Variants in PSG1 observed in about 807,000 individuals in gnomAD.
PSG1 encodes the protein pregnancy specific beta-1-glycoprotein 1.
A neutral mutation model predicts 41.4 loss-of-function variants in PSG1; 60 were observed. That is an observed-to-expected ratio of 1.45 (90% confidence interval 1.18 to 1.80). The LOEUF (loss-of-function observed/expected upper bound fraction) is 1.80. Among genes scored for constraint, PSG1 ranks in the 40% most tolerant of loss-of-function variants. PSG1 has a pLI of 0.00. For missense variants in PSG1, 806 were observed against 516.9 expected (o/e 1.56, Z -5.42); for synonymous variants, 256 against 192.9 (o/e 1.33, Z -2.71).
At chr19:42,878,897 G>T (rs1009256101) in intron 1 of PSG1, among the ~76,000 whole-genome samples, 5 of 151,462 alleles carry the variant, frequency 3.3e-5, no homozygotes, top group African/African-American at 9.7e-5. Context: ...TCCCCCAATT[G>T]TTGAGGTTTC....
At chr19:42,874,779 G>A (rs1449583170) in intron 2 of PSG1, among the ~76,000 whole-genome samples, 3 of 151,578 alleles carry the variant, frequency 2.0e-5, no homozygotes, top group African/African-American at 4.8e-5. Flanking sequence ...ACCGGAGAAT[G>A]TGAGCTCCAT....
chr19:42,871,718 G>A lies in PSG1; in HGVS notation c.709+49C>T, dbSNP rs28579274. The A allele has an allele frequency of 1.3e-4, 206 of 1,612,240 alleles. 8 individuals are homozygous for A. The South Asian group carries it at 1.5e-3, about 11-fold the overall frequency. Reference sequence around the variant, plus strand: ...ACAGAGAGGCCTGGCCTCTGGCCACGTGTATTTGGGATGGCAGCCTGGCTC... The same window carrying A: ...ACAGAGAGGCCTGGCCTCTGGCCACATGTATTTGGGATGGCAGCCTGGCTC... On this transcript the variant is annotated intron_variant, in intron 3 of 5. Coordinates refer to ENST00000436291, the MANE Select transcript of PSG1 (RefSeq NM_001184825.2).
intron 5 of PSG1, chr19:42,867,885 G>A: frequency 7.1e-7 from 1 of 1,403,374 alleles, no homozygotes; most frequent in Non-Finnish European, 9.6e-7. Context: ...TGTTCTTCCT[G>A]CTTGGTCTAG....
rs1323394087 is a variant in PSG1, at chr19:42,878,783, CAG to C, written c.65-507_65-506del. ...CATGACAGCGTGAGCTCCGTGAAGACAGGGACTTTTGTGATCTTGGTTGCACC... is the reference window on the plus strand; with the variant it reads ...CATGACAGCGTGAGCTCCGTGAAGACGGACTTTTGTGATCTTGGTTGCACC... On this transcript the variant is annotated intron_variant, in intron 1 of 5. Coordinates refer to ENST00000436291, the MANE Select transcript of PSG1 (RefSeq NM_001184825.2). Among the ~76,000 whole-genome samples, 13 of 150,918 alleles carry C rather than the reference CAG, an allele frequency of 8.6e-5. 1 individual carries two copies. The highest frequency in any genetic ancestry group is 3.2e-4 in the African/African-American group (13 of 40,980).
In PSG1 at chr19:42,873,617, G is replaced by A. The variant is rs79545239; in HGVS notation, c.431-1572C>T. 1.5e-4 allele frequency among the ~76,000 whole-genome samples: 23 copies of A among 151,772 alleles called. 3 individuals carry two copies. The East Asian group carries it at 2.9e-3, about 19-fold the overall frequency. ...GACCAAAATAAGGTTTAGGTGTGCC[G>A]TGAATTCCAGCAGGATCACGTTATG... On this transcript the variant is annotated intron_variant, in intron 2 of 5. Coordinates refer to ENST00000436291, the MANE Select transcript of PSG1 (RefSeq NM_001184825.2).
rs1971411235 is a variant in PSG1 at position 42,871,983 on chromosome 19, C to T, written c.493G>A (p.Val165Met). ...NLNPRETMEA[V>M]SLTCDPETPD... ...GTCTCAGGGTCACAGGTTAAGCTCA[C>T]AGCCTCCATGGTCTCCCTGGGATTT... Residue 165 changes from valine to methionine, a missense_variant, in exon 3 of 6, where the codon GTG becomes ATG. Coordinates refer to ENST00000436291, the MANE Select transcript of PSG1 (RefSeq NM_001184825.2). The T allele has an allele frequency of 5.0e-6, 8 of 1,612,398 alleles. No individual in the cohort carries two copies. The highest frequency in any genetic ancestry group is 6.8e-6 in the Non-Finnish European group (8 of 1,179,204).
intron 2 of PSG1, among the ~76,000 whole-genome samples, chr19:42,872,711 A>G (rs1293154890): frequency 6.6e-6 from 1 of 151,664 alleles, no homozygotes; most frequent in Non-Finnish European, 1.5e-5. Context: ...TGACCTACAA[A>G]GAGTGAAGGG....
At chr19:42,867,686 A>G (rs1971189600) in intron 5 of PSG1, 2 of 790,298 alleles carry the variant, frequency 2.5e-6, no homozygotes, top group South Asian at 1.4e-5. Context: ...TCAGGTAGAA[A>G]GCAAAAGTAA....
chr19:42,874,495 C>T (rs553906222), intron 2 of PSG1, among the ~76,000 whole-genome samples: 9 of 151,464 alleles, frequency 5.9e-5, no homozygotes, highest in Non-Finnish European at 7.4e-5. Flanking sequence ...TACAGGGGCC[C>T]GCCACCATGC....
chr19:42,871,081 T>G lies in PSG1; in HGVS notation c.709+686A>C, dbSNP rs561297062. Reference sequence around the variant, plus strand: ...TAGATAGACTTCACTGGAAAACATATTGCCAATGCTCCAGGGATCCACTTA... The same window carrying G: ...TAGATAGACTTCACTGGAAAACATAGTGCCAATGCTCCAGGGATCCACTTA... On this transcript the variant is annotated intron_variant, in intron 3 of 5. Transcript: ENST00000436291. Among the ~76,000 whole-genome samples the G allele has an allele frequency of 1.3e-4, 20 of 151,824 alleles. 1 individual carries two copies. The highest frequency in any genetic ancestry group is 1.0e-3 in the South Asian group (5 of 4,770).
intron 3 of PSG1, chr19:42,870,680 C>T (rs1256563655): frequency 1.3e-5 from 2 of 151,640 alleles, no homozygotes; most frequent in Admixed American, 6.6e-5. Context: ...GAATCTGCAA[C>T]TCATTTTGGG....
intron 2 of PSG1, among the ~76,000 whole-genome samples, chr19:42,873,918 A>C (rs144256956): frequency 0.13 from 19,263 of 151,562 alleles, 1,685 homozygotes; most frequent in Admixed American, 0.18. Flanking sequence ...CTAGAGTTTA[A>C]GTTTGTGTGA....
intron 2 of PSG1, among the ~76,000 whole-genome samples, chr19:42,877,013 A>C (rs1217534060): frequency 6.6e-6 from 1 of 151,580 alleles, no homozygotes; most frequent in Non-Finnish European, 1.5e-5. Context: ...CTCTCAATCA[A>C]ATAAGCTAAA....
At chr19:42,868,414 G>T (rs1260178883) in intron 4 of PSG1, 59 bp from the exon 5 acceptor site, 13 of 1,531,870 alleles carry the variant, frequency 8.5e-6, no homozygotes, top group Admixed American at 1.8e-5. Context: ...GATGTTCCTG[G>T]TCTCTTAAAG....
rs1428933069 is a variant in PSG1, at chr19:42,866,571, G to A, written c.*563C>T. 5.2e-6 allele frequency: 1 copy of A among 190,620 alleles called. No homozygotes were observed. The highest frequency in any genetic ancestry group is 2.3e-5 in the African/African-American group (1 of 42,744). The allele number at this position is 190,620 out of a possible 1,614,324, so 11.8% of individuals were successfully genotyped here. Reference sequence around the variant, plus strand: ...GCCATCCACACAATGTGGATTTAAAGGGGACTCTATTATAATTTCAGCTTT... The same window carrying A: ...GCCATCCACACAATGTGGATTTAAAAGGGACTCTATTATAATTTCAGCTTT... On this transcript the variant is annotated 3_prime_UTR_variant, in exon 6 of 6. Coordinates refer to ENST00000436291, the MANE Select transcript of PSG1 (RefSeq NM_001184825.2).
intron 3 of PSG1, among the ~76,000 whole-genome samples, chr19:42,870,995 G>T (rs1389944299): frequency 1.3e-5 from 2 of 151,540 alleles, no homozygotes; most frequent in Admixed American, 6.6e-5. Context: ...CATATTCCCT[G>T]TCCTGGGTTT....
rs751927080 is a variant in PSG1, at chr19:42,868,319, G to A, written c.1025C>T (p.Thr342Ile). 11 of 1,611,710 alleles carry A rather than the reference G, an allele frequency of 6.8e-6. 1 individual carries two copies. The highest frequency in any genetic ancestry group is 6.7e-5 in the Admixed American group (4 of 59,810). The change falls in exon 5 of 6, where the codon ACC becomes ATC. Residue 342 changes from threonine to isoleucine, a missense_variant. Transcript: ENST00000436291. ...PDLPRIYPSFTYYRSGEVLYL... is the reference protein window; with the variant it reads ...PDLPRIYPSFIYYRSGEVLYL... Reference sequence around the variant, plus strand: ...GAGGACTTCTCCTGAACGGTAATAGGTGAATGAAGGGTAAATTCTGGGGAG... The same window carrying A: ...GAGGACTTCTCCTGAACGGTAATAGATGAATGAAGGGTAAATTCTGGGGAG...
chr19:42,867,411 A>G (rs963142846), intron 5 of PSG1: 8 of 575,564 alleles, frequency 1.4e-5, no homozygotes, highest in Non-Finnish European at 2.1e-5. Flanking sequence ...CTAAGTTTTT[A>G]TAAGGAATCT....
In PSG1 at chr19:42,879,683, T is replaced by A; in HGVS notation, c.-102A>T. 4 of 1,522,162 alleles carry A rather than the reference T, an allele frequency of 2.6e-6. No individual in the cohort carries two copies. The South Asian group carries it at 3.6e-5, about 14-fold the overall frequency. The allele number at this position is 1,522,162 out of a possible 1,614,324, so 94.3% of individuals were successfully genotyped here. A position where few individuals can be genotyped will look rare whatever the true frequency, so the allele number is the denominator to read the frequency against. On this transcript the variant is annotated 5_prime_UTR_variant, in exon 1 of 6. Coordinates refer to ENST00000436291, the MANE Select transcript of PSG1 (RefSeq NM_001184825.2). ...TGTGCTGTCCTTCCTCTTTCTGTGC[T>A]GAGCCTCTTCCCAGGGCAGGAGCAA...
Sources: gnomAD v4.1 joint callset for allele counts (sites outside exome capture counted in the v4.1 genomes callset) on GRCh38, gnomAD v4.1.1 for gene constraint, MANE v1.5 for transcripts, NCBI Gene and HGNC (gene_info 2026-07-23, HGNC 2026-07-21) for gene names.